The following ZNF483 variants were observed in gnomAD, a reference collection of about 807,000 sequenced individuals.
The protein encoded by ZNF483 is zinc finger protein 483, also known as zinc finger protein HIT-10.
In ZNF483, 9 loss-of-function variants were observed where a neutral mutation model predicts 28.6. The observed-to-expected ratio is 0.32, with a 90% CI of 0.19 to 0.55. ZNF483 has a LOEUF of 0.55. Ranked by LOEUF, ZNF483 falls within the 20% of genes least tolerant of loss-of-function variation. ZNF483 has a pLI of 0.93. For missense variants in ZNF483, 675 were observed against 871.7 expected (o/e 0.77, Z 2.84); for synonymous variants, 322 against 306.2 (o/e 1.05, Z -0.54).
downstream of ZNF483, among the ~76,000 whole-genome samples, chr9:111,559,472 A>G (rs992189067): frequency 6.6e-6 from 1 of 151,804 alleles, no homozygotes; most frequent in Non-Finnish European, 1.5e-5. Flanking sequence ...CTGATACACC[A>G]TCTGGGAAAC....
rs1827864078 is a variant in ZNF483, at chr9:111,548,904, C to G, written c.*5734C>G. 6.6e-6 allele frequency among the ~76,000 whole-genome samples: 1 copy of G among 151,964 alleles called. No individual in the cohort carries two copies. Among genetic ancestry groups the G allele is most frequent in the Non-Finnish European group, 1.5e-5 (1 of 68,018 alleles). On this transcript the variant is annotated 3_prime_UTR_variant, in exon 6 of 6. Transcript: ENST00000309235. ...GTTTTTGATGAGCAATCAACAGTCT[C>G]ACTGAGGATTTCTTTTATGTGATGA...
intron 5 of ZNF483, chr9:111,569,925 A>T: frequency 1.7e-6 from 2 of 1,153,076 alleles, no homozygotes; most frequent in Non-Finnish European, 2.4e-6. Flanking sequence ...TTTTCCTTTC[A>T]AAGATGGGAA....
rs972212628 is a variant in ZNF483, at chr9:111,553,687, G to A, written c.*10517G>A. ...TGTCCTATGCAATGCAGTGGTTAAA[G>A]TGAATTGTAGTTCTATCAAAATAAA... is the stretch of plus-strand genomic sequence containing the variant. On this transcript the variant is annotated 3_prime_UTR_variant, in exon 6 of 6. Transcript: ENST00000309235. Among the ~76,000 whole-genome samples, 3 of 152,230 alleles carry A rather than the reference G, an allele frequency of 2.0e-5. No individual in the cohort carries two copies. Among genetic ancestry groups the A allele is most frequent in the African/African-American group, 4.8e-5 (2 of 41,458 alleles).
chr9:111,530,955 G>T lies in ZNF483; in HGVS notation c.493G>T (p.Glu165Ter). The T allele has an allele frequency of 1.3e-6, 2 of 1,510,336 alleles. No individual in the cohort carries two copies. Among genetic ancestry groups the T allele is most frequent in the Non-Finnish European group, 9.0e-7 (1 of 1,111,792 alleles). 93.6% of individuals were successfully genotyped at this position (1,510,336 alleles called of 1,614,324 possible). A position where few individuals can be genotyped will look rare whatever the true frequency, so the allele number is the denominator to read the frequency against. ...DKMVTVCPNTESCESITLKDV... is the reference protein window; with the variant it reads ...DKMVTVCPNT ...AATGGTCACTGTTTGTCCCAATACT[G>T]AGTCCTGTGTAAGTTTCCTTTGATG... Residue 165 changes from glutamate (E) to a stop codon, truncating the protein, a stop_gained, in exon 3 of 6, where the codon GAG becomes TAG. Coordinates refer to ENST00000309235, the MANE Select transcript of ZNF483 (RefSeq NM_133464.5). LOFTEE classifies it high-confidence loss of function.
intron 5 of ZNF483, chr9:111,574,586 C>T: frequency 1.9e-6 from 1 of 528,188 alleles, no homozygotes; most frequent in South Asian, 2.7e-5. Context: ...TGAGCACTCA[C>T]AAAGTGAGAC....
At chr9:111,568,001 C>T (rs2132337519) in intron 5 of ZNF483, among the ~76,000 whole-genome samples, 1 of 152,244 alleles carries the variant, frequency 6.6e-6, no homozygotes, top group East Asian at 1.9e-4. Context: ...ACCTCAGGAC[C>T]ACTGTGATAA....
chr9:111,557,528 C>T (rs560340939), downstream of ZNF483, among the ~76,000 whole-genome samples: 1 of 151,960 alleles, frequency 6.6e-6, no homozygotes, highest in African/African-American at 2.4e-5. Context: ...TCTCTGCAAC[C>T]TCCGCCTCCC....
At chr9:111,539,776 G>C (rs948447263) in intron 5 of ZNF483, 1 of 186,032 alleles carries the variant, frequency 5.4e-6, no homozygotes, top group South Asian at 1.0e-4. Context: ...AAAAAAAAAA[G>C]AGAATGAACA....
rs547942770 is a variant in ZNF483, at chr9:111,567,338, C to A, written c.722-9027C>A. Among the ~76,000 whole-genome samples, 9 of 152,268 alleles carry A rather than the reference C, an allele frequency of 5.9e-5. 1 individual carries two copies. In the East Asian group the frequency reaches 1.7e-3, roughly 29 times the overall value. On this transcript the variant is annotated intron_variant, in intron 5 of 5. Coordinates refer to the ZNF483 transcript ENST00000358151. Reference sequence around the variant, plus strand: ...AAGTAGCTGGGACTATAGGTGCACGCCACCATGCCCAGCTAATTTTTGTAT... The same window carrying A: ...AAGTAGCTGGGACTATAGGTGCACGACACCATGCCCAGCTAATTTTTGTAT...
rs1828053695 is a variant in ZNF483 at position 111,554,209 on chromosome 9, T to C, written c.*11039T>C. Among the ~76,000 whole-genome samples the C allele has an allele frequency of 6.6e-6, 1 of 152,222 alleles. No individual in the cohort carries two copies. Among genetic ancestry groups the C allele is most frequent in the African/African-American group, 2.4e-5 (1 of 41,456 alleles). The stretch of plus-strand genomic sequence containing the variant: ...CTAACTACTTAGCAAATGGAATTGA[T>C]AGTTAATGGGTTTTTTGTTTGTTTG... On this transcript the variant is annotated 3_prime_UTR_variant, in exon 6 of 6. Coordinates refer to ENST00000309235, the MANE Select transcript of ZNF483 (RefSeq NM_133464.5).
chr9:111,540,260 A>G (rs942103087), intron 5 of ZNF483, among the ~76,000 whole-genome samples: 4 of 152,366 alleles, frequency 2.6e-5, no homozygotes, highest in East Asian at 1.9e-4. Context: ...TTTAAACTAT[A>G]TAGAAACATT....
rs1564599714 is a variant in ZNF483, at chr9:111,545,942, A to C, written c.*2772A>C. Among the ~76,000 whole-genome samples the C allele has an allele frequency of 6.6e-6, 1 of 152,172 alleles. No individual in the cohort carries two copies. The highest frequency in any genetic ancestry group is 1.5e-5 in the Non-Finnish European group (1 of 68,020). On this transcript the variant is annotated 3_prime_UTR_variant, in exon 6 of 6. Transcript: ENST00000309235. The stretch of plus-strand genomic sequence containing the variant: ...TGCCTGAGGGGAGTTGCTAGGTCAT[A>C]CGGTAAATTTTCATTTAACTTTTTT...
chr9:111,574,416 C>G (rs1295913803), intron 5 of ZNF483: 1 of 164,108 alleles, frequency 6.1e-6, no homozygotes, highest in Non-Finnish European at 1.3e-5. Context: ...GTGGCAGGAA[C>G]ACAGCTCACT....
intron 5 of ZNF483, among the ~76,000 whole-genome samples, chr9:111,573,993 C>A (rs1828946971): frequency 6.6e-6 from 1 of 152,142 alleles, no homozygotes; most frequent in Non-Finnish European, 1.5e-5. Flanking sequence ...CTGCTGAGGC[C>A]AAGACGCCCT....
intron 5 of ZNF483, among the ~76,000 whole-genome samples, chr9:111,541,280 G>T (rs1435896742): frequency 6.6e-6 from 1 of 151,814 alleles, no homozygotes; most frequent in Non-Finnish European, 1.5e-5. Context: ...TAGTAGAGAT[G>T]GGGTTTCACC....
chr9:111,536,709 C>T (rs1418985589), intron 5 of ZNF483, among the ~76,000 whole-genome samples: 1 of 151,976 alleles, frequency 6.6e-6, no homozygotes, highest in African/African-American at 2.4e-5. Flanking sequence ...GACCGCACCC[C>T]CCCCGCCCCC....
In ZNF483 at chr9:111,543,831, A is replaced by C. The variant is rs1483846364; in HGVS notation, c.*661A>C. The C allele has an allele frequency of 1.1e-6, 1 of 937,194 alleles. No individual in the cohort carries two copies. Among genetic ancestry groups the C allele is most frequent in the Non-Finnish European group, 1.3e-6 (1 of 790,722 alleles). The allele number at this position is 937,194 out of a possible 1,614,324, so 58.1% of individuals were successfully genotyped here. A position where few individuals can be genotyped will look rare whatever the true frequency, so the allele number is the denominator to read the frequency against. On this transcript the variant is annotated 3_prime_UTR_variant, in exon 6 of 6. Transcript: ENST00000309235. ...GATGGAGTCTCACTATGTTGCCCAG[A>C]CTGGTCTTGAACTCCTGGGCTCAAG...
At chr9:111,573,813 G>A (rs1308160296) in intron 5 of ZNF483, among the ~76,000 whole-genome samples, 1 of 152,146 alleles carries the variant, frequency 6.6e-6, no homozygotes, top group Non-Finnish European at 1.5e-5. Context: ...TTCTCTGGTT[G>A]ATACTGCTTT....
chr9:111,557,632 T>G (rs1828164140), downstream of ZNF483, among the ~76,000 whole-genome samples: 1 of 151,902 alleles, frequency 6.6e-6, no homozygotes, highest in Non-Finnish European at 1.5e-5. Context: ...GGTTTCACTG[T>G]GTTGGACAGG....
Sources: allele counts gnomAD v4.1 joint callset (sites outside exome capture counted in the v4.1 genomes callset), GRCh38; gene constraint gnomAD v4.1.1; transcripts MANE v1.5; gene names NCBI Gene and HGNC (gene_info 2026-07-23, HGNC 2026-07-21).